Variants in EYS observed in about 807,000 individuals in gnomAD.
EYS encodes the protein protein eyes shut homolog.
EYS carries 250 observed loss-of-function variants against 282.1 expected under a neutral mutation model. That is an observed-to-expected ratio of 0.89 (90% CI 0.80 to 0.98). The LOEUF is 0.98. Among genes scored for constraint, EYS ranks in the 50% least tolerant of loss-of-function variants. EYS has a pLI of 0.00. For missense variants in EYS, 4,016 were observed against 3,709.0 expected (o/e 1.08, Z -2.15); for synonymous variants, 1,355 against 1,282.9 (o/e 1.06, Z -1.20).
intron 12 of EYS, among the ~76,000 whole-genome samples, chr6:65,259,643 G>C (rs1185554096): frequency 6.6e-6 from 1 of 151,932 alleles, no homozygotes; most frequent in African/African-American, 2.4e-5. Flanking sequence ...GGTTTGTTTT[G>C]TTTGTTTGTT....
intron 12 of EYS, among the ~76,000 whole-genome samples, chr6:65,064,229 GAT>G (rs916253238): frequency 1.0e-3 from 137 of 136,750 alleles, no homozygotes; most frequent in East Asian, 6.4e-3. Flanking sequence ...ATATATGTAT[GAT>G]ATATATATGA....
At chr6:63,965,948 T>C (rs749140526) in intron 35 of EYS, among the ~76,000 whole-genome samples, 2 of 152,230 alleles carry the variant, frequency 1.3e-5, no homozygotes, top group Non-Finnish European at 2.9e-5. Context: ...AAATCCCAGC[T>C]AAGCTACTTA....
intron 19 of EYS, among the ~76,000 whole-genome samples, chr6:64,829,161 C>T (rs1316678327): frequency 1.3e-5 from 2 of 151,872 alleles, no homozygotes; most frequent in African/African-American, 4.8e-5. Flanking sequence ...TAGGAGTGGG[C>T]ATGAAGTGTG....
At chr6:65,073,686 A>G (rs1009866442) in intron 12 of EYS, among the ~76,000 whole-genome samples, 5 of 151,896 alleles carry the variant, frequency 3.3e-5, no homozygotes, top group African/African-American at 9.6e-5. Flanking sequence ...AGATATTCTG[A>G]TTTTGTTGTC....
intron 31 of EYS, among the ~76,000 whole-genome samples, chr6:64,134,101 C>T (rs1023981065): frequency 6.6e-6 from 1 of 152,000 alleles, no homozygotes. Context: ...AAAAGTGGTA[C>T]CTAACAAAGT....
intron 33 of EYS, among the ~76,000 whole-genome samples, chr6:64,046,099 T>C (rs962636463): frequency 1.3e-5 from 2 of 148,282 alleles, no homozygotes; most frequent in African/African-American, 4.9e-5. Flanking sequence ...TATATTTACA[T>C]ATAATTACAT....
Position 65,091,299 on chromosome 6 carries a change from G to A in EYS, c.2024-33572C>T, listed in dbSNP as rs1008446760. ...AAAAAAAAAAAAAAAAAAAAAAACA[G>A]ATTAGCTGGACATGGTGGTAGGCAC... On this transcript the variant is annotated intron_variant, in intron 12 of 42. Coordinates refer to ENST00000503581, the MANE Select transcript of EYS (RefSeq NM_001142800.2). Among the ~76,000 whole-genome samples, 618 of 126,078 alleles carry A rather than the reference G, an allele frequency of 4.9e-3. 7 individuals are homozygous for A. Among genetic ancestry groups the A allele is most frequent in the South Asian group, 0.038 (145 of 3,834 alleles). The allele number at this position is 126,078 out of a possible 152,430, so 82.7% of individuals were successfully genotyped here.
intron 1 of EYS, among the ~76,000 whole-genome samples, chr6:65,654,601 T>C (rs1767756594): frequency 6.6e-6 from 1 of 151,834 alleles, no homozygotes; most frequent in Non-Finnish European, 1.5e-5. Context: ...GATTCTGAGC[T>C]ACATAGTACT....
At chr6:64,092,153 G>T (rs548172095) in intron 31 of EYS, among the ~76,000 whole-genome samples, 1 of 152,210 alleles carries the variant, frequency 6.6e-6, no homozygotes, top group African/African-American at 2.4e-5. Flanking sequence ...GTCTATCATT[G>T]TTGGACATTT....
intron 2 of EYS, among the ~76,000 whole-genome samples, chr6:65,511,252 A>G (rs1327569771): frequency 1.3e-5 from 2 of 152,178 alleles, no homozygotes; most frequent in African/African-American, 4.8e-5. Flanking sequence ...CTAGGGAGAA[A>G]TTATTCTTTA....
chr6:65,335,221 A>G, intron 10 of EYS, 75 bp from the exon 11 acceptor site: 1 of 1,024,156 alleles, frequency 9.8e-7, no homozygotes, highest in Non-Finnish European at 1.5e-6. Flanking sequence ...GACCTGAGAG[A>G]TCATGATAGA....
At chr6:63,956,336 C>T (rs1309385739) in intron 35 of EYS, among the ~76,000 whole-genome samples, 1 of 152,074 alleles carries the variant, frequency 6.6e-6, no homozygotes, top group Non-Finnish European at 1.5e-5. Context: ...ACCGCCCCTG[C>T]CTGCCAGAAA....
chr6:64,597,600 C>G (rs1446603939), intron 24 of EYS, among the ~76,000 whole-genome samples: 1 of 151,544 alleles, frequency 6.6e-6, no homozygotes, highest in South Asian at 2.1e-4. Flanking sequence ...ATGAAACAAC[C>G]CAGACACAGA....
At chr6:64,169,322 T>C (rs1764402160) in intron 31 of EYS, among the ~76,000 whole-genome samples, 1 of 152,052 alleles carries the variant, frequency 6.6e-6, no homozygotes, top group Non-Finnish European at 1.5e-5. Context: ...GCAGAAGGCC[T>C]GATGCGTGAT....
chr6:63,910,965 T>C (rs1404474123), intron 35 of EYS, among the ~76,000 whole-genome samples: 3 of 152,164 alleles, frequency 2.0e-5, no homozygotes, highest in Non-Finnish European at 4.4e-5. Flanking sequence ...TCAGAATGAC[T>C]TCTATTCATG....
intron 35 of EYS, among the ~76,000 whole-genome samples, chr6:63,914,817 A>G (rs1020164930): frequency 4.6e-5 from 7 of 152,260 alleles, no homozygotes; most frequent in Non-Finnish European, 8.8e-5. Flanking sequence ...TTTAAGCCAA[A>G]AGCTAATCCA....
chr6:64,502,213 G>A (rs1455198565), intron 26 of EYS, among the ~76,000 whole-genome samples: 1 of 132,360 alleles, frequency 7.6e-6, no homozygotes, highest in African/African-American at 3.1e-5. Context: ...GAACCAGACA[G>A]CAGGCTGGTT....
intron 33 of EYS, among the ~76,000 whole-genome samples, chr6:64,035,920 C>T (rs1040048557): frequency 1.3e-5 from 2 of 152,168 alleles, no homozygotes; most frequent in Admixed American, 1.3e-4. Flanking sequence ...CTGGGCTTAG[C>T]TCTGAAGTTT....
intron 41 of EYS, 40 bp downstream of exon 41, chr6:63,762,421 A>G (rs2149655702): frequency 1.3e-6 from 2 of 1,524,186 alleles, no homozygotes; most frequent in East Asian, 2.5e-5. Flanking sequence ...AATTTTAGTT[A>G]TATTTGTGGA....
Sources: allele counts gnomAD v4.1 joint callset (sites outside exome capture counted in the v4.1 genomes callset), GRCh38; gene constraint gnomAD v4.1.1; transcripts MANE v1.5; gene names NCBI Gene and HGNC (gene_info 2026-07-23, HGNC 2026-07-21).